Variants in TRHDE observed in about 807,000 individuals in gnomAD.
TRHDE encodes the protein thyrotropin releasing hormone degrading enzyme.
A neutral mutation model predicts 125.7 loss-of-function variants in TRHDE; 72 were observed. That is an observed-to-expected ratio of 0.57 (90% CI 0.47 to 0.70). TRHDE has a LOEUF of 0.70. TRHDE is among the 30% of genes least tolerant of loss of function. The pLI is 0.00. For missense variants in TRHDE, 1,110 were observed against 1,327.1 expected (o/e 0.84, Z 2.54); for synonymous variants, 509 against 509.1 (o/e 1.00, Z 0.00).
intron 18 of TRHDE, among the ~76,000 whole-genome samples, chr12:72,659,058 T>A (rs1412081308): frequency 6.6e-6 from 1 of 152,168 alleles, no homozygotes; most frequent in African/African-American, 2.4e-5. Flanking sequence ...CCTTTGGATA[T>A]GACATATTCT....
chr12:72,107,477 G>A (rs920067716), intron 2 of TRHDE, among the ~76,000 whole-genome samples: 1 of 152,102 alleles, frequency 6.6e-6, no homozygotes, highest in African/African-American at 2.4e-5. Context: ...GGGTTTAGCC[G>A]TAACCTGTGA....
intron 12 of TRHDE, among the ~76,000 whole-genome samples, chr12:72,593,757 C>G (rs1294346206): frequency 6.6e-6 from 1 of 152,016 alleles, no homozygotes. Flanking sequence ...TAAGTGAGAA[C>G]ACGCAGTGTT....
chr12:72,643,051 A>C (rs1874132537), intron 15 of TRHDE, among the ~76,000 whole-genome samples: 1 of 152,196 alleles, frequency 6.6e-6, no homozygotes. Context: ...GGTGCTTACC[A>C]ATCTTGTTTC....
intron 5 of TRHDE, among the ~76,000 whole-genome samples, chr12:72,495,587 A>G (rs1877881428): frequency 6.6e-6 from 1 of 152,192 alleles, no homozygotes; most frequent in Non-Finnish European, 1.5e-5. Context: ...ATATTATATT[A>G]CAGTTTGCTG....
At chr12:72,089,750 CT>C (rs1264584368) in intron 1 of TRHDE, among the ~76,000 whole-genome samples, 4 of 152,190 alleles carry the variant, frequency 2.6e-5, no homozygotes, top group African/African-American at 4.8e-5. Context: ...TCCTTACATA[CT>C]GTATAATTTA....
chr12:72,378,783 C>A (rs1872013284), intron 3 of TRHDE, among the ~76,000 whole-genome samples: 1 of 152,084 alleles, frequency 6.6e-6, no homozygotes, highest in Non-Finnish European at 1.5e-5. Context: ...ATATTTCTTC[C>A]TTTTACAAAG....
chr12:72,236,972 A>C (rs949525548), intron 2 of TRHDE, among the ~76,000 whole-genome samples: 15 of 152,222 alleles, frequency 9.9e-5, no homozygotes, highest in Non-Finnish European at 1.9e-4. Flanking sequence ...AATTTGGTTT[A>C]GATGGCCCTG....
chr12:72,581,887 G>A (rs556939492), intron 12 of TRHDE, among the ~76,000 whole-genome samples: 102 of 151,972 alleles, frequency 6.7e-4, no homozygotes, highest in Non-Finnish European at 1.4e-3. Flanking sequence ...CAGATCACGA[G>A]GTCAGGAGAT....
At chr12:72,154,609 C>T (rs1322398857) in intron 2 of TRHDE, among the ~76,000 whole-genome samples, 1 of 152,200 alleles carries the variant, frequency 6.6e-6, no homozygotes, top group African/African-American at 2.4e-5. Flanking sequence ...AATGTCTCAG[C>T]ATTTGCTTGT....
intron 6 of TRHDE, among the ~76,000 whole-genome samples, chr12:72,536,936 T>G (rs1868892548): frequency 6.6e-6 from 1 of 152,080 alleles, no homozygotes; most frequent in Non-Finnish European, 1.5e-5. Flanking sequence ...AGAATTTCCT[T>G]TATTTTTCTA....
At chr12:72,321,313 T>C (rs190028988) in intron 2 of TRHDE, among the ~76,000 whole-genome samples, 1 of 152,216 alleles carries the variant, frequency 6.6e-6, no homozygotes, top group East Asian at 1.9e-4. Flanking sequence ...AGGAAAGAAT[T>C]GGGGATGGTG....
At chr12:72,561,771 T>C (rs1450186736) in intron 7 of TRHDE, among the ~76,000 whole-genome samples, 1 of 152,174 alleles carries the variant, frequency 6.6e-6, no homozygotes, top group Non-Finnish European at 1.5e-5. Flanking sequence ...ATTAGCTCTT[T>C]CTTTTTTTCA....
In TRHDE at chr12:72,229,063, T is replaced by A. The variant is rs1204049492; in HGVS notation, n.279+123311T>A. On this transcript the variant is annotated intron_variant and non_coding_transcript_variant, in intron 2 of 4. Coordinates refer to the TRHDE transcript ENST00000548156. ...GAGCCCTCCAAACTGTTCCAACCTC[T>A]GCCTGTTACCCAATTCCAAAGTTGC... Among the ~76,000 whole-genome samples the A allele has an allele frequency of 5.3e-5, 8 of 152,346 alleles. No homozygotes were observed. The East Asian group carries it at 1.5e-3, about 29-fold the overall frequency.
At chr12:72,532,848 T>C (rs1003420157) in intron 6 of TRHDE, among the ~76,000 whole-genome samples, 1 of 150,800 alleles carries the variant, frequency 6.6e-6, no homozygotes, top group African/African-American at 2.4e-5. Flanking sequence ...TAGTCTATAT[T>C]ATATATGTGG....
intron 1 of TRHDE, among the ~76,000 whole-genome samples, chr12:72,105,360 G>A (rs1013971501): frequency 3.3e-5 from 5 of 152,130 alleles, no homozygotes; most frequent in African/African-American, 9.7e-5. Flanking sequence ...AGTGAATAAG[G>A]CATGGATTCA....
At chr12:72,256,815 T>A (rs1878825034) in intron 2 of TRHDE, 1 of 152,194 alleles carries the variant, frequency 6.6e-6, no homozygotes, top group African/African-American at 2.4e-5. Context: ...GATGTGAAGA[T>A]CCTGGGCTAG....
chr12:72,390,126 G>A (rs948661723), intron 3 of TRHDE, among the ~76,000 whole-genome samples: 3 of 152,218 alleles, frequency 2.0e-5, no homozygotes, highest in Admixed American at 2.0e-4. Flanking sequence ...TTACTTGCTT[G>A]TGTAGCTATA....
At chr12:72,329,409 C>A (rs920056943) in intron 2 of TRHDE, among the ~76,000 whole-genome samples, 2 of 152,150 alleles carry the variant, frequency 1.3e-5, no homozygotes, top group African/African-American at 4.8e-5. Flanking sequence ...TAGAGCAGAT[C>A]TTGGGAAATC....
intron 1 of TRHDE, among the ~76,000 whole-genome samples, chr12:72,280,201 GT>G (rs1879645087): frequency 6.6e-6 from 1 of 152,148 alleles, no homozygotes; most frequent in Non-Finnish European, 1.5e-5. Flanking sequence ...ATTGCTGTGT[GT>G]CTAGTGTCCT....
Sources: allele counts gnomAD v4.1 joint callset (sites outside exome capture counted in the v4.1 genomes callset), GRCh38; gene constraint gnomAD v4.1.1; transcripts MANE v1.5; gene names NCBI Gene and HGNC (gene_info 2026-07-23, HGNC 2026-07-21).